The following TENM3 variants were observed in gnomAD, a reference collection of about 807,000 sequenced individuals.
The protein encoded by TENM3 is teneurin transmembrane protein 3.
A neutral mutation model predicts 255.1 loss-of-function variants in TENM3; 63 were observed. The ratio of observed to expected loss-of-function variants is 0.25; its 90% confidence interval spans 0.20 to 0.30. The LOEUF is 0.30. TENM3 is among the 10% of genes least tolerant of loss of function. TENM3 has a pLI of 1.00. For missense variants in TENM3, 2,929 were observed against 3,461.1 expected, an observed-to-expected ratio of 0.85 and a Z score of 3.86; for synonymous variants, 1,306 against 1,322.3, an observed-to-expected ratio of 0.99 and a Z score of 0.27.
chr4:182,177,165 TTAA>T (rs576634650), intron 1 of TENM3, among the ~76,000 whole-genome samples: 22 of 152,248 alleles, frequency 1.4e-4, no homozygotes, highest in African/African-American at 4.1e-4. Context: ...CAGGTGGTGC[TTAA>T]TAACGGCTTC....
the TENM3 span, among the ~76,000 whole-genome samples, chr4:181,954,273 T>G: frequency 6.6e-6 from 1 of 152,200 alleles, no homozygotes; most frequent in African/African-American, 2.4e-5. Flanking sequence ...GTCTTCATTG[T>G]CTTTGATAAA....
chr4:182,030,057 T>TGTG, the TENM3 span, among the ~76,000 whole-genome samples: 1 of 148,488 alleles, frequency 6.7e-6, no homozygotes, highest in Non-Finnish European at 1.5e-5. Flanking sequence ...GCATCTTTGT[T>TGTG]GTTGTTGTTG....
the TENM3 span, among the ~76,000 whole-genome samples, chr4:181,895,857 C>T: frequency 1.3e-5 from 2 of 152,124 alleles, no homozygotes; most frequent in South Asian, 2.1e-4. Context: ...ATTGTATTCT[C>T]TATATAAACC....
At chr4:181,448,865 ATACT>A in the TENM3 span, among the ~76,000 whole-genome samples, 4 of 152,208 alleles carry the variant, frequency 2.6e-5, no homozygotes, top group Non-Finnish European at 4.4e-5. Context: ...TTTTCTAAAC[ATACT>A]TATAATTTTA....
the TENM3 span, among the ~76,000 whole-genome samples, chr4:182,135,635 T>C: frequency 2.0e-5 from 3 of 152,374 alleles, no homozygotes; most frequent in Non-Finnish European, 2.9e-5. Context: ...TAACGGTCCA[T>C]GACAGGCTTT....
At chr4:182,678,277 C>T (rs886510525) in intron 7 of TENM3, among the ~76,000 whole-genome samples, 2 of 151,984 alleles carry the variant, frequency 1.3e-5, no homozygotes, top group African/African-American at 4.8e-5. Context: ...ACTTTTAATT[C>T]TTTTTTAAAC....
At chr4:181,475,778 G>GT in the TENM3 span, among the ~76,000 whole-genome samples, 3 of 152,238 alleles carry the variant, frequency 2.0e-5, no homozygotes, top group Non-Finnish European at 4.4e-5. Context: ...TTAAAAAGTA[G>GT]TAAGTGCTGC....
At chr4:182,767,093 A>G (rs747209973) in intron 22 of TENM3, among the ~76,000 whole-genome samples, 17 of 152,132 alleles carry the variant, frequency 1.1e-4, no homozygotes, top group Non-Finnish European at 2.4e-4. Context: ...TGATAGAAGC[A>G]TTTTCTATCC....
At chr4:182,648,591 A>G (rs1246929437) in intron 5 of TENM3, among the ~76,000 whole-genome samples, 2 of 152,048 alleles carry the variant, frequency 1.3e-5, no homozygotes, top group African/African-American at 2.4e-5. Flanking sequence ...TGCCTAAGTA[A>G]TTTTTATTTA....
At chr4:181,888,532 A>ATATATATATATG in the TENM3 span, among the ~76,000 whole-genome samples, 62 of 78,718 alleles carry the variant, frequency 7.9e-4, no homozygotes, top group African/African-American at 1.9e-3. Flanking sequence ...ATATACATAT[A>ATATATATATATG]TGTGTATATA....
intron 3 of TENM3, among the ~76,000 whole-genome samples, chr4:182,503,560 G>A (rs1736526959): frequency 6.6e-6 from 1 of 152,156 alleles, no homozygotes; most frequent in Non-Finnish European, 1.5e-5. Context: ...CTTAAGGATT[G>A]CAGGTTGGCA....
chr4:182,319,827 T>C (rs1762941959), intron 1 of TENM3, among the ~76,000 whole-genome samples: 1 of 152,146 alleles, frequency 6.6e-6, no homozygotes, highest in Non-Finnish European at 1.5e-5. Flanking sequence ...AAGATCCAAA[T>C]GGGGCCGGGC....
the TENM3 span, among the ~76,000 whole-genome samples, chr4:181,730,777 G>A: frequency 6.6e-6 from 1 of 152,126 alleles, no homozygotes; most frequent in Non-Finnish European, 1.5e-5. Flanking sequence ...TTTCTAGTAT[G>A]ACTTCTCCAT....
At chr4:181,707,935 A>C in the TENM3 span, among the ~76,000 whole-genome samples, 1 of 152,334 alleles carries the variant, frequency 6.6e-6, no homozygotes, top group Middle Eastern at 3.4e-3. Context: ...CTATAGCAGA[A>C]GTGAACAAAT....
chr4:182,349,135 A>G (rs1765016812), intron 3 of TENM3, among the ~76,000 whole-genome samples: 1 of 152,214 alleles, frequency 6.6e-6, no homozygotes, highest in Non-Finnish European at 1.5e-5. Flanking sequence ...TTAAGAGTAT[A>G]AAGTGTCAAA....
At chr4:181,706,340 C>A in the TENM3 span, among the ~76,000 whole-genome samples, 1 of 152,192 alleles carries the variant, frequency 6.6e-6, no homozygotes, top group Admixed American at 6.5e-5. Flanking sequence ...GATCCAGGGG[C>A]GGTGGGTGCT....
chr4:182,447,873 T>G (rs1037561872), intron 3 of TENM3, among the ~76,000 whole-genome samples: 1 of 152,122 alleles, frequency 6.6e-6, no homozygotes, highest in Non-Finnish European at 1.5e-5. Flanking sequence ...GGATGGAATG[T>G]TCTGGAAGAA....
At chr4:181,703,480 T>C in the TENM3 span, among the ~76,000 whole-genome samples, 1 of 152,234 alleles carries the variant, frequency 6.6e-6, no homozygotes, top group African/African-American at 2.4e-5. Context: ...AGTCACTGGA[T>C]GATGGATTTT....
intron 12 of TENM3, among the ~76,000 whole-genome samples, chr4:182,708,382 A>G (rs2309771): frequency 0.99 from 150,989 of 152,166 alleles, 74,923 homozygotes; most frequent in Middle Eastern, 1. Context: ...CCAGGTGTTC[A>G]TAATCTGTAC....
Sources: allele counts gnomAD v4.1 joint callset (sites outside exome capture counted in the v4.1 genomes callset), GRCh38; gene constraint gnomAD v4.1.1; transcripts MANE v1.5; gene names NCBI Gene and HGNC (gene_info 2026-07-23, HGNC 2026-07-21).